The following PRDM16 variants were observed in gnomAD, a reference collection of about 807,000 sequenced individuals.
PRDM16 encodes histone-lysine N-methyltransferase PRDM16.
A neutral mutation model predicts 110.6 loss-of-function variants in PRDM16; 23 were observed. That is an observed-to-expected ratio of 0.21 (90% CI 0.15 to 0.29). The LOEUF (loss-of-function observed/expected upper bound fraction) is 0.29, where lower values mean the gene tolerates loss of function less well. PRDM16 is among the 10% of genes least tolerant of loss of function. The pLI is 1.00. For synonymous variants in PRDM16, 799 were observed against 781.8 expected (o/e 1.02, Z -0.37); for missense variants, 1,615 against 1,794.3 (o/e 0.90, Z 1.81).
At chr1:3,299,703 T>G (rs1386598777) in intron 3 of PRDM16, among the ~76,000 whole-genome samples, 20 of 108,036 alleles carry the variant, frequency 1.9e-4, no homozygotes, top group South Asian at 7.5e-4. Flanking sequence ...ACTCTGCCCT[T>G]GTTGAAGATG....
At chr1:3,347,560 G>A (rs1642386866) in intron 3 of PRDM16, among the ~76,000 whole-genome samples, 1 of 152,256 alleles carries the variant, frequency 6.6e-6, no homozygotes, top group African/African-American at 2.4e-5. Flanking sequence ...GTCAGGGGGT[G>A]GGGGTGGGGG....
intron 1 of PRDM16, among the ~76,000 whole-genome samples, chr1:3,140,994 G>T (rs1643540053): frequency 6.6e-6 from 1 of 152,212 alleles, no homozygotes; most frequent in African/African-American, 2.4e-5. Context: ...AGAGCCAGAG[G>T]AGTCCCCATG....
At chr1:3,330,168 C>CT (rs1275608888) in intron 3 of PRDM16, among the ~76,000 whole-genome samples, 3 of 152,352 alleles carry the variant, frequency 2.0e-5, no homozygotes, top group Admixed American at 1.3e-4. Flanking sequence ...GAGTTTAACT[C>CT]TCGCCTGGCC....
At chr1:3,388,040 C>G (rs1360312399) in intron 4 of PRDM16, among the ~76,000 whole-genome samples, 4 of 152,228 alleles carry the variant, frequency 2.6e-5, no homozygotes, top group Non-Finnish European at 5.9e-5. Context: ...TGCAAAGCAA[C>G]CTATTTGACC....
In PRDM16 at chr1:3,245,411, T is replaced by C. The variant is rs564066529; in HGVS notation, c.438+1274T>C. ...AAAGCACAGGGGGACCTGACCCTTC[T>C]CTCCAGGTTCAACCCCAGATACATT... On this transcript the variant is annotated intron_variant, in intron 3 of 16. Transcript: ENST00000270722. The surrounding 1 kb of genome is among the most constrained non-coding windows in gnomAD (Gnocchi z 4.7). 2.0e-5 allele frequency among the ~76,000 whole-genome samples: 3 copies of C among 152,316 alleles called. No homozygotes were observed. The South Asian group carries it at 6.2e-4, about 32-fold the overall frequency.
intron 2 of PRDM16, among the ~76,000 whole-genome samples, chr1:3,188,436 G>A (rs568085622): frequency 2.0e-5 from 3 of 152,290 alleles, no homozygotes; most frequent in South Asian, 2.1e-4. Flanking sequence ...CGCAGACTGC[G>A]CCACTGCCTG....
intron 1 of PRDM16, among the ~76,000 whole-genome samples, chr1:3,089,894 T>C (rs955507729): frequency 6.6e-6 from 1 of 150,860 alleles, no homozygotes; most frequent in African/African-American, 2.5e-5. Context: ...AGAACCACTG[T>C]GACCCAGCGT....
chr1:3,412,152 G>A lies in PRDM16; in HGVS notation c.1955G>A (p.Gly652Asp), dbSNP rs1643701052. 3 of 1,562,016 alleles carry A rather than the reference G, an allele frequency of 1.9e-6. No homozygotes were observed. Reference sequence around the variant, plus strand: ...GAGGGCCAGCCCAAGTTTGGGGGCGGCTTGGCGCCCCCGGGGGCCCCGAAC... The same window carrying A: ...GAGGGCCAGCCCAAGTTTGGGGGCGACTTGGCGCCCCCGGGGGCCCCGAAC... ...SAEGQPKFGG[G>D]LAPPGAPNSV... Residue 652 changes from glycine (G) to aspartate (D), a missense_variant, in exon 9 of 17, where the codon GGC (glycine) becomes GAC (aspartate). Around this residue, in one of 5 missense-constraint regions of PRDM16, gnomAD observed 772 missense variants for 748.3 expected, o/e 1.03. Transcript: ENST00000270722.
chr1:3,107,490 T>C (rs1264280943), intron 1 of PRDM16, among the ~76,000 whole-genome samples: 1 of 152,162 alleles, frequency 6.6e-6, no homozygotes, highest in African/African-American at 2.4e-5. Context: ...GAGCAATCCT[T>C]TAAGTATATA....
At chr1:3,247,229 T>G (rs1402181222) in intron 3 of PRDM16, among the ~76,000 whole-genome samples, 2 of 152,204 alleles carry the variant, frequency 1.3e-5, no homozygotes, top group Admixed American at 1.3e-4. Context: ...ACACTTCCTG[T>G]TCTTTATCTG....
chr1:3,194,519 C>G (rs1638406215), intron 2 of PRDM16, among the ~76,000 whole-genome samples: 1 of 152,114 alleles, frequency 6.6e-6, no homozygotes, highest in Non-Finnish European at 1.5e-5. Context: ...GGGAGGGAGG[C>G]TGGGGCAGGT....
chr1:3,284,860 C>T (rs1339492050), intron 3 of PRDM16, among the ~76,000 whole-genome samples: 3 of 152,334 alleles, frequency 2.0e-5, no homozygotes, highest in Middle Eastern at 3.4e-3. Context: ...AGCTGGAGGC[C>T]GGGCTGAGGA....
At chr1:3,188,341 C>T (rs1366671788) in intron 2 of PRDM16, among the ~76,000 whole-genome samples, 1 of 152,162 alleles carries the variant, frequency 6.6e-6, no homozygotes, top group East Asian at 1.9e-4. Context: ...TGACTTTGTT[C>T]TTGTCTACTC....
chr1:3,385,914 G>A (rs905638695), intron 4 of PRDM16, among the ~76,000 whole-genome samples: 3 of 152,200 alleles, frequency 2.0e-5, no homozygotes, highest in Non-Finnish European at 2.9e-5. Flanking sequence ...TGACCTCCAC[G>A]GCTGGTCCAC....
intron 3 of PRDM16, among the ~76,000 whole-genome samples, chr1:3,325,701 C>G (rs1449364890): frequency 6.6e-6 from 1 of 152,208 alleles, no homozygotes; most frequent in African/African-American, 2.4e-5. Context: ...GACTCTGTCC[C>G]CAGCCTCTCC....
At chr1:3,380,516 C>T (rs534135486) in intron 3 of PRDM16, among the ~76,000 whole-genome samples, 1 of 152,230 alleles carries the variant, frequency 6.6e-6, no homozygotes, top group African/African-American at 2.4e-5. Flanking sequence ...AAAGCCTGAG[C>T]GTGTACTCGG....
In PRDM16 at chr1:3,433,774, C is replaced by T. The variant is rs771454903; in HGVS notation, c.3794C>T (p.Ser1265Leu). Residue 1265 changes from serine (S) to leucine (L), a missense_variant, in exon 17 of 17, where the codon TCG becomes TTG. This residue lies in a region of PRDM16 where 327 missense variants were observed against 359.3 expected (regional missense o/e 0.91). Transcript: ENST00000270722. ...TGGTTGAAGGTCACTGGAGCCACGT[C>T]GGAGTCTGGAGCATTTCACCCCATC... ...DAWLKVTGAT[S>L]ESGAFHPINH... 1.1e-5 allele frequency: 18 copies of T among 1,613,728 alleles called. No homozygotes were observed. The highest frequency in any genetic ancestry group is 2.2e-5 in the East Asian group (1 of 44,894).
chr1:3,328,986 G>C (rs1641984278), intron 3 of PRDM16, among the ~76,000 whole-genome samples: 1 of 152,116 alleles, frequency 6.6e-6, no homozygotes, highest in African/African-American at 2.4e-5. Flanking sequence ...CCCCTCCCAG[G>C]CCAGAGGAGA....
intron 3 of PRDM16, among the ~76,000 whole-genome samples, chr1:3,336,365 GGT>G (rs369671292): frequency 1.4e-3 from 208 of 151,866 alleles, no homozygotes; most frequent in Non-Finnish European, 2.4e-3. Context: ...CATGTGGAGG[GGT>G]GTGTGTGCAT....
Sources: gnomAD v4.1 joint callset for allele counts (sites outside exome capture counted in the v4.1 genomes callset) on GRCh38, gnomAD v4.1.1 for gene constraint, gnomAD v4.1.1 regional missense constraint, Gnocchi (gnomAD v3.1) non-coding constraint, MANE v1.5 for transcripts, NCBI Gene and HGNC (gene_info 2026-07-23, HGNC 2026-07-21) for gene names.